Variants in CCDC141 observed in about 807,000 individuals in gnomAD.
CCDC141 encodes coiled-coil domain-containing protein 141.
Under a neutral mutation model 181.0 loss-of-function variants are expected in CCDC141, and 168 were observed. That is an observed-to-expected ratio of 0.93 (90% CI 0.82 to 1.05). The LOEUF (loss-of-function observed/expected upper bound fraction) is 1.05, where lower values mean the gene tolerates loss of function less well. CCDC141 is among the 50% of genes least tolerant of loss of function. The pLI is 0.00. For synonymous variants in CCDC141, 666 were observed against 642.3 expected (o/e 1.04, Z -0.56); for missense variants, 1,902 against 1,788.5 (o/e 1.06, Z -1.14).
chr2:178,937,587 T>C (rs570688635), intron 6 of CCDC141, among the ~76,000 whole-genome samples: 63 of 151,736 alleles, frequency 4.2e-4, no homozygotes, highest in African/African-American at 1.4e-3. Flanking sequence ...TTGGGCCTCA[T>C]AGAATGAGTT....
chr2:179,007,646 T>C (rs189207714), intron 2 of CCDC141, among the ~76,000 whole-genome samples: 1 of 152,136 alleles, frequency 6.6e-6, no homozygotes, highest in African/African-American at 2.4e-5. Context: ...ATAATTTTTT[T>C]AAAAAATTTA....
chr2:179,028,309 C>A (rs1357410003), intron 2 of CCDC141, among the ~76,000 whole-genome samples: 2 of 152,244 alleles, frequency 1.3e-5, no homozygotes, highest in African/African-American at 4.8e-5. Context: ...AACACTCACA[C>A]TATACTTTAT....
At chr2:178,881,951 A>C (rs1686644283) in intron 11 of CCDC141, among the ~76,000 whole-genome samples, 2 of 150,968 alleles carry the variant, frequency 1.3e-5, no homozygotes, top group Admixed American at 1.3e-4. Context: ...ACACACACAC[A>C]CACACACACA....
chr2:179,016,217 G>T (rs920744398), intron 2 of CCDC141, among the ~76,000 whole-genome samples: 11 of 151,376 alleles, frequency 7.3e-5, no homozygotes, highest in African/African-American at 2.4e-4. Context: ...GGGGGTGAGG[G>T]ATAAAAGACT....
At chr2:178,946,898 GCTGA>G (rs2154377502) in intron 5 of CCDC141, among the ~76,000 whole-genome samples, 1 of 152,308 alleles carries the variant, frequency 6.6e-6, no homozygotes, top group South Asian at 2.1e-4. Flanking sequence ...GTTAAATCAT[GCTGA>G]CTCTCTAGAT....
intron 5 of CCDC141, among the ~76,000 whole-genome samples, chr2:178,947,842 C>T (rs1285946817): frequency 6.6e-6 from 1 of 152,136 alleles, no homozygotes; most frequent in Non-Finnish European, 1.5e-5. Flanking sequence ...ACATGCTCCA[C>T]GTGTAAAGCA....
At chr2:178,854,451 G>A (rs1037681739) in intron 19 of CCDC141, among the ~76,000 whole-genome samples, 5 of 152,184 alleles carry the variant, frequency 3.3e-5, no homozygotes, top group Non-Finnish European at 4.4e-5. Flanking sequence ...GTGAACCCGG[G>A]AGGCAGAGCT....
chr2:178,823,481 C>G, the CCDC141 span, among the ~76,000 whole-genome samples: 1 of 152,070 alleles, frequency 6.6e-6, no homozygotes, highest in Non-Finnish European at 1.5e-5. Flanking sequence ...CCGCAGTAAT[C>G]ATGTATGCTT....
intron 10 of CCDC141, among the ~76,000 whole-genome samples, chr2:178,885,300 C>T (rs1261759234): frequency 6.6e-6 from 1 of 150,492 alleles, no homozygotes; most frequent in Non-Finnish European, 1.5e-5. Flanking sequence ...CTTCTTGGTT[C>T]TATCAGCTAT....
chr2:178,903,875 A>G (rs1687831798), intron 8 of CCDC141, among the ~76,000 whole-genome samples: 1 of 152,070 alleles, frequency 6.6e-6, no homozygotes, highest in Non-Finnish European at 1.5e-5. Flanking sequence ...TTTGAGACCC[A>G]TTTGTTAAAC....
chr2:178,958,107 G>T (rs1278053933), intron 5 of CCDC141, among the ~76,000 whole-genome samples: 8 of 152,216 alleles, frequency 5.3e-5, no homozygotes, highest in African/African-American at 1.9e-4. Flanking sequence ...GAACAGTAAA[G>T]ATTAGTGTTT....
At chr2:179,035,826 TCA>T (rs2043130328) in intron 2 of CCDC141, among the ~76,000 whole-genome samples, 1 of 152,130 alleles carries the variant, frequency 6.6e-6, no homozygotes, top group Admixed American at 6.5e-5. Context: ...CTCTAAACAG[TCA>T]CAGAGTCTCC....
At chr2:178,994,239 G>A (rs150480024) in intron 2 of CCDC141, among the ~76,000 whole-genome samples, 118 of 152,270 alleles carry the variant, frequency 7.7e-4, no homozygotes, top group African/African-American at 2.5e-3. Context: ...CTGCCCCTGC[G>A]GCAAATTTCT....
At chr2:178,934,839 A>G (rs979804095) in intron 6 of CCDC141, among the ~76,000 whole-genome samples, 21 of 152,182 alleles carry the variant, frequency 1.4e-4, no homozygotes, top group African/African-American at 4.8e-4. Context: ...TTCACTAATG[A>G]ATCCTCAGCT....
intron 4 of CCDC141, among the ~76,000 whole-genome samples, chr2:178,967,318 G>A (rs551104326): frequency 4.6e-5 from 7 of 152,254 alleles, no homozygotes; most frequent in African/African-American, 1.7e-4. Flanking sequence ...CACCAAAGTT[G>A]AAACGAAGGA....
At chr2:178,866,018 A>G (rs1353077721) in intron 16 of CCDC141, 102 bp from the exon 17 acceptor site, 1 of 954,852 alleles carries the variant, frequency 1.0e-6, no homozygotes, top group Non-Finnish European at 1.4e-6. Flanking sequence ...ACACTTTTTA[A>G]AAAAAGAAAT....
chr2:178,845,728 T>G lies in CCDC141; in HGVS notation c.3372A>C (p.Leu1124Phe). The change falls in exon 22 of 24, where the codon TTA becomes TTC. Residue 1124 changes from leucine (L) to phenylalanine (F), a missense_variant. Transcript: ENST00000443758. ...LEEKLKQGDV[L>F]KMNPNLEDFH... ...AGTCTTCCAAATTCGGATTCATCTTTAAAACATCTCCCTGCTGTACAAAGC... is the reference window on the plus strand; with the variant it reads ...AGTCTTCCAAATTCGGATTCATCTTGAAAACATCTCCCTGCTGTACAAAGC... The G allele has an allele frequency of 6.2e-7, 1 of 1,603,518 alleles. No individual in the cohort carries two copies. Among genetic ancestry groups the G allele is most frequent in the Non-Finnish European group, 8.5e-7 (1 of 1,170,528 alleles).
At chr2:178,835,668 T>C (rs1684447427) in intron 23 of CCDC141, 1 of 152,262 alleles carries the variant, frequency 6.6e-6, no homozygotes, top group African/African-American at 2.4e-5. Context: ...ACGACACGTA[T>C]GTAGCAGTGC....
At chr2:179,045,118 G>T (rs569001098) in intron 2 of CCDC141, among the ~76,000 whole-genome samples, 11 of 149,476 alleles carry the variant, frequency 7.4e-5, no homozygotes, top group African/African-American at 2.7e-4. Flanking sequence ...CCACTAACTC[G>T]TCATCTAGCA....
Sources: allele counts gnomAD v4.1 joint callset (sites outside exome capture counted in the v4.1 genomes callset), GRCh38; gene constraint gnomAD v4.1.1; transcripts MANE v1.5; gene names NCBI Gene and HGNC (gene_info 2026-07-23, HGNC 2026-07-21).